Variants in KRT76 observed in about 807,000 individuals in gnomAD.
The protein encoded by KRT76 is keratin 76.
KRT76 carries 47 observed loss-of-function variants against 44.9 expected under a neutral mutation model. That is an observed-to-expected ratio of 1.05 (90% CI 0.83 to 1.33). The LOEUF is 1.33. KRT76 is among the 40% of genes most tolerant of loss of function. KRT76 has a pLI of 0.00. For synonymous variants in KRT76, 331 were observed against 294.1 expected (o/e 1.13, Z -1.28); for missense variants, 860 against 775.8 (o/e 1.11, Z -1.29).
At position 52,771,910 on chromosome 12, in the gene KRT76, G is replaced by T. The variant is rs1252212646; in HGVS notation, c.1224C>A (p.Ile408=). ...TTTCAATCTCAGCCCGTAGCCTCTG[G>T]ATCATCCTGTTGAGCTCCATGATCT... is the stretch of plus-strand genomic sequence containing the variant. ...KSEIMELNRM[I]QRLRAEIENV... is the part of the protein sequence containing the mutation. Residue 408 remains isoleucine, a synonymous_variant, in exon 6 of 9, where the codon ATC becomes ATA. Transcript: ENST00000332411. The T allele has an allele frequency of 1.9e-6, 3 of 1,613,970 alleles. No homozygotes were observed. The South Asian group carries it at 3.3e-5, about 18-fold the overall frequency.
At chr12:52,769,484 A>G (rs370782043) in intron 8 of KRT76, 65 bp downstream of exon 8, 159 of 1,369,470 alleles carry the variant, frequency 1.2e-4, no homozygotes, top group Middle Eastern at 5.4e-4. Context: ...AAGGTCAGTC[A>G]GTGAGGTTGT....
intron 2 of KRT76, 72 bp downstream of exon 2, chr12:52,775,316 G>A: frequency 2.1e-6 from 3 of 1,398,190 alleles, no homozygotes; most frequent in South Asian, 1.2e-5. Flanking sequence ...GGGAACAGTT[G>A]AAATCCCAAA....
chr12:52,772,341 G>C, intron 4 of KRT76, 83 bp from the exon 5 acceptor site: 1 of 1,364,490 alleles, frequency 7.3e-7, no homozygotes, highest in Non-Finnish European at 1.0e-6. Context: ...GATATCCCAA[G>C]GATGGGGCTA....
At chr12:52,773,699 G>A in intron 2 of KRT76, 57 bp from the exon 3 acceptor site, 1 of 1,493,994 alleles carries the variant, frequency 6.7e-7, no homozygotes, top group Non-Finnish European at 9.3e-7. Context: ...AAAAAAGAGA[G>A]GTGAGGATTC....
Position 52,773,595 on chromosome 12 carries a change from A to G in KRT76, c.863T>C (p.Val288Ala). ...AGGCTCACCTACCTTCTTGAGCCCC[A>G]CAAACTCATTCTCTGCGGCAGTGCG... ...NKRTAAENEF[V>A]GLKKDVDAAF... The change falls in exon 3 of 9, where the codon GTG becomes GCG. Residue 288 changes from valine to alanine, a missense_variant. Physicochemically the swap from Val to Ala is moderately conservative, Grantham distance 64. Transcript: ENST00000332411. The G allele has an allele frequency of 6.2e-7, 1 of 1,612,904 alleles. No homozygotes were observed. The highest frequency in any genetic ancestry group is 1.7e-5 in the Admixed American group (1 of 59,988).
rs1347830063 is a variant in KRT76, at chr12:52,768,814, G to A, written c.1816C>T (p.Gln606Ter). 6.2e-7 allele frequency: 1 copy of A among 1,613,870 alleles called. No individual in the cohort carries two copies. The highest frequency in any genetic ancestry group is 1.7e-5 in the Admixed American group (1 of 60,004). ...SGMGSSSGSI[Q>*]TSGGSGYKSG... ...TTGTAGCCACTTCCTCCAGAAGTCT[G>A]GATGCTGCCAGAGCTGGAGCCCATT... The change falls in exon 9 of 9, where the codon CAG (glutamine) becomes TAG (stop). Residue 606 changes from glutamine to a stop codon, truncating the protein, a stop_gained. Coordinates refer to ENST00000332411, the MANE Select transcript of KRT76 (RefSeq NM_015848.4). LOFTEE classifies it low-confidence loss of function (END_TRUNC).
intron 4 of KRT76, 105 bp from the exon 5 acceptor site, chr12:52,772,363 G>T (rs991683957): frequency 6.9e-6 from 8 of 1,162,998 alleles, no homozygotes; most frequent in Admixed American, 2.8e-5. Context: ...AGGTGGATCA[G>T]TTGGAAAAAT....
At chr12:52,769,196 C>T in intron 8 of KRT76, 86 bp from the exon 9 acceptor site, 1 of 621,360 alleles carries the variant, frequency 1.6e-6, no homozygotes, top group Non-Finnish European at 3.0e-6. Context: ...CCTGCTTGGC[C>T]ATGTGACTTC....
Position 52,775,578 on chromosome 12 carries a change from T to G in KRT76, c.625A>C (p.Lys209Gln). Residue 209 changes from lysine to glutamine, a missense_variant, in exon 2 of 9, where the codon AAG (lysine) becomes CAG (glutamine). By Grantham distance (53) the Lys-to-Gln change is moderately conservative. Coordinates refer to ENST00000332411, the MANE Select transcript of KRT76 (RefSeq NM_015848.4). ...AGTTCCCACTTGGTCTCCAGGACCT[T>G]GTTCTGCTGTTCCAGGAACCGCACC... ...DKVRFLEQQN[K>Q]VLETKWELLQ... is the part of the protein sequence containing the mutation. 1 of 1,613,762 alleles carries G rather than the reference T, an allele frequency of 6.2e-7. No individual in the cohort carries two copies. Among genetic ancestry groups the G allele is most frequent in the Non-Finnish European group, 8.5e-7 (1 of 1,180,008 alleles).
chr12:52,771,322 C>T (rs1184349735), intron 6 of KRT76, 103 bp from the exon 7 acceptor site: 1 of 1,124,172 alleles, frequency 8.9e-7, no homozygotes, highest in Non-Finnish European at 1.3e-6. Context: ...CCTCCCTTTC[C>T]TTAGAAATCC....
In KRT76 at chr12:52,771,974, G is replaced by C. The variant is rs767419645; in HGVS notation, c.1160C>G (p.Ala387Gly). ...CCTCAGGTCATCCCCATGCCTGCCA[G>C]CTGTGGTCTGCAGCTCCCCAAGCTG... ...QTKLGELQTT[A>G]GRHGDDLRNT... Residue 387 changes from alanine to glycine, a missense_variant, in exon 6 of 9, where the codon GCT becomes GGT. Transcript: ENST00000332411. 1.2e-6 allele frequency: 2 copies of C among 1,614,052 alleles called. No individual in the cohort carries two copies. Among genetic ancestry groups the C allele is most frequent in the Non-Finnish European group, 1.7e-6 (2 of 1,179,988 alleles).
intron 1 of KRT76, among the ~76,000 whole-genome samples, 177 bp downstream of exon 1, chr12:52,776,515 G>T (rs1230770075): frequency 2.6e-5 from 4 of 152,118 alleles, no homozygotes; most frequent in African/African-American, 9.7e-5. Context: ...TTCACAGCTG[G>T]AAAAAGAAGG....
In KRT76 at chr12:52,771,156, C is replaced by T. The variant is rs1174876282; in HGVS notation, c.1327G>A (p.Ala443Thr). 1.6e-5 allele frequency: 26 copies of T among 1,614,060 alleles called. No homozygotes were observed. Among genetic ancestry groups the T allele is most frequent in the Middle Eastern group, 1.6e-4 (1 of 6,082 alleles). Reference sequence around the variant, plus strand: ...TGCAAGTCTTGGAGCTTGGCATTGGCGTCCTTGAGGGCCATCTCTCCACGC... The same window carrying T: ...TGCAAGTCTTGGAGCTTGGCATTGGTGTCCTTGAGGGCCATCTCTCCACGC... ...EQRGEMALKD[A>T]NAKLQDLQTA... is the part of the protein sequence containing the mutation. The change falls in exon 7 of 9, where the codon GCC (alanine) becomes ACC (threonine). Residue 443 changes from alanine (A) to threonine (T), a missense_variant. Coordinates refer to ENST00000332411, the MANE Select transcript of KRT76 (RefSeq NM_015848.4).
intron 1 of KRT76, 65 bp downstream of exon 1, chr12:52,776,627 C>T: frequency 6.2e-7 from 1 of 1,611,362 alleles, no homozygotes; most frequent in Non-Finnish European, 8.5e-7. Context: ...GTCCCCATGG[C>T]ATCTTTCTAC....
At chr12:52,773,130 GA>G (rs1193424614) in intron 3 of KRT76, among the ~76,000 whole-genome samples, 1 of 152,136 alleles carries the variant, frequency 6.6e-6, no homozygotes, top group African/African-American at 2.4e-5. Flanking sequence ...TTTTAGGGTA[GA>G]AAAATCATAT....
rs750741913 is a variant in KRT76 at position 52,768,964 on chromosome 12, C to T, written c.1666G>A (p.Gly556Ser). The change falls in exon 9 of 9, where the codon GGC becomes AGC. Residue 556 changes from glycine (G) to serine (S), a missense_variant. Physicochemically the swap from Gly to Ser is moderately conservative, Grantham distance 56. Transcript: ENST00000332411. Reference sequence around the variant, plus strand: ...CTGCTGACCCCTCCATAGCCACTGCCGCTGCCGCCACTGACTCCATAGCCA... The same window carrying T: ...CTGCTGACCCCTCCATAGCCACTGCTGCTGCCGCCACTGACTCCATAGCCA... The part of the protein sequence containing the change: ...SSGYGVSGGS[G>S]SGYGGVSSGS... The T allele has an allele frequency of 1.9e-5, 24 of 1,279,576 alleles. No individual in the cohort carries two copies. The highest frequency in any genetic ancestry group is 1.2e-4 in the African/African-American group (8 of 67,854). 79.3% of individuals were successfully genotyped at this position (1,279,576 alleles called of 1,614,324 possible). A position where few individuals can be genotyped will look rare whatever the true frequency, so the allele number is the denominator to read the frequency against.
Position 52,777,228 on chromosome 12 carries a change from C to T in KRT76, c.64G>A (p.Ala22Thr). The change falls in exon 1 of 9, where the codon GCT (alanine) becomes ACT (threonine). Residue 22 changes from alanine to threonine, a missense_variant. Coordinates refer to ENST00000332411, the MANE Select transcript of KRT76 (RefSeq NM_015848.4). ...ATCCTGCTGCTGCCGGAGACCACAG[C>T]AGAGCGGCCAGAGAAACCCTGGCTC... ...GRSQGFSGRS[A>T]VVSGSSRMSC... 1 of 1,614,218 alleles carries T rather than the reference C, an allele frequency of 6.2e-7. No homozygotes were observed. Among genetic ancestry groups the T allele is most frequent in the African/African-American group, 1.3e-5 (1 of 75,058 alleles).
Position 52,768,658 on chromosome 12 carries a change from A to G in KRT76, c.*55T>C. Reference sequence around the variant, plus strand: ...ATTGATGCCAAGCAGAGAGTGGGAAACACTATTGCAGGCTGAGTGGGAAGC... The same window carrying G: ...ATTGATGCCAAGCAGAGAGTGGGAAGCACTATTGCAGGCTGAGTGGGAAGC... On this transcript the variant is annotated 3_prime_UTR_variant, in exon 9 of 9. Coordinates refer to ENST00000332411, the MANE Select transcript of KRT76 (RefSeq NM_015848.4). 1 of 1,536,584 alleles carries G rather than the reference A, an allele frequency of 6.5e-7. No homozygotes were observed. The highest frequency in any genetic ancestry group is 1.3e-5 in the South Asian group (1 of 79,868).
Position 52,768,957 on chromosome 12 carries a change from C to A in KRT76, c.1673G>T (p.Gly558Val). 7.4e-7 allele frequency: 1 copy of A among 1,348,990 alleles called. No homozygotes were observed. Among genetic ancestry groups the A allele is most frequent in the Non-Finnish European group, 1.0e-6 (1 of 953,334 alleles). The allele number at this position is 1,348,990 out of a possible 1,614,324, so 83.6% of individuals were successfully genotyped here. The change falls in exon 9 of 9, where the codon GGC (glycine) becomes GTC (valine). Residue 558 changes from glycine (G) to valine (V), a missense_variant. Transcript: ENST00000332411. ...GYGVSGGSGS[G>V]YGGVSSGSTG... Reference sequence around the variant, plus strand: ...GCTGCCACTGCTGACCCCTCCATAGCCACTGCCGCTGCCGCCACTGACTCC... The same window carrying A: ...GCTGCCACTGCTGACCCCTCCATAGACACTGCCGCTGCCGCCACTGACTCC...
Sources: allele counts gnomAD v4.1 joint callset (sites outside exome capture counted in the v4.1 genomes callset), GRCh38; gene constraint gnomAD v4.1.1; transcripts MANE v1.5; gene names NCBI Gene and HGNC (gene_info 2026-07-23, HGNC 2026-07-21).